DENND1A: variants seen among roughly 807,000 people sequenced by gnomAD.
DENND1A encodes the protein DENN domain-containing protein 1A.
DENND1A carries 51 observed loss-of-function variants against 113.7 expected under a neutral mutation model. The observed-to-expected ratio is 0.45, with a 90% CI of 0.36 to 0.57. The LOEUF is 0.57. Ranked by LOEUF, DENND1A falls within the 20% of genes least tolerant of loss-of-function variation. DENND1A has a pLI of 0.00. For missense variants in DENND1A, 1,258 were observed against 1,395.9 expected, an observed-to-expected ratio of 0.90 and a Z score of 1.57; for synonymous variants, 565 against 570.8, an observed-to-expected ratio of 0.99 and a Z score of 0.14.
intron 5 of DENND1A, among the ~76,000 whole-genome samples, chr9:123,736,013 G>T (rs1299933929): frequency 1.3e-5 from 2 of 151,828 alleles, no homozygotes; most frequent in Non-Finnish European, 2.9e-5. Context: ...TCCAAAAAAA[G>T]AAAAAAGAAA....
At chr9:123,398,796 ATT>A (rs921037252) in intron 21 of DENND1A, among the ~76,000 whole-genome samples, 18 of 135,880 alleles carry the variant, frequency 1.3e-4, no homozygotes, top group African/African-American at 8.1e-5. Context: ...ACCACACAGC[ATT>A]TTTTTTTTTT....
At chr9:123,925,860 A>G (rs903222539) in intron 1 of DENND1A, among the ~76,000 whole-genome samples, 1 of 151,820 alleles carries the variant, frequency 6.6e-6, no homozygotes, top group Non-Finnish European at 1.5e-5. Context: ...CAAGTCTTAG[A>G]GTATGCTTTT....
intron 9 of DENND1A, among the ~76,000 whole-genome samples, chr9:123,650,933 A>G (rs1244153168): frequency 2.1e-5 from 3 of 144,118 alleles, no homozygotes; most frequent in Non-Finnish European, 3.0e-5. Context: ...AAAAAAAAAG[A>G]TGGATTAATG....
At chr9:123,395,806 C>T (rs1409499345) in intron 21 of DENND1A, among the ~76,000 whole-genome samples, 2 of 152,128 alleles carry the variant, frequency 1.3e-5, no homozygotes, top group Non-Finnish European at 2.9e-5. Flanking sequence ...GTGGTTGTTA[C>T]CGGACGCCCC....
rs948829926 is a variant in DENND1A, at chr9:123,715,857, A to G, written c.303-39068T>C. 2.6e-5 allele frequency among the ~76,000 whole-genome samples: 4 copies of G among 151,970 alleles called. No individual in the cohort carries two copies. In the East Asian group the frequency reaches 5.8e-4, roughly 22 times the overall value. On this transcript the variant is annotated intron_variant, in intron 5 of 23. Coordinates refer to ENST00000394215, the MANE Select transcript of DENND1A (RefSeq NM_001352964.2). ...TGCCCAACTAATTTTTGTATTTTTA[A>G]TAGAGATGGGGTTTTGCCATGTTGC... is the stretch of plus-strand genomic sequence containing the variant.
chr9:123,566,543 T>C (rs2058061240), intron 12 of DENND1A, among the ~76,000 whole-genome samples: 1 of 152,226 alleles, frequency 6.6e-6, no homozygotes, highest in Non-Finnish European at 1.5e-5. Context: ...TCAATTATCA[T>C]TATGTGAATG....
intron 10 of DENND1A, among the ~76,000 whole-genome samples, chr9:123,619,829 T>C (rs2060848925): frequency 6.6e-6 from 1 of 152,160 alleles, no homozygotes; most frequent in South Asian, 2.1e-4. Flanking sequence ...GTCTTCAGTA[T>C]AGAGATCAGC....
chr9:123,885,146 C>T (rs1848874038), intron 1 of DENND1A, among the ~76,000 whole-genome samples: 1 of 152,142 alleles, frequency 6.6e-6, no homozygotes, highest in African/African-American at 2.4e-5. Flanking sequence ...AGGCTCTCAC[C>T]ATATCCAACC....
chr9:123,623,360 T>G (rs2061044856), intron 10 of DENND1A, among the ~76,000 whole-genome samples: 1 of 152,228 alleles, frequency 6.6e-6, no homozygotes, highest in Non-Finnish European at 1.5e-5. Flanking sequence ...ATAACTCTAA[T>G]TGCTATAGCC....
chr9:123,760,205 C>A (rs1381660759), intron 4 of DENND1A, among the ~76,000 whole-genome samples: 1 of 152,124 alleles, frequency 6.6e-6, no homozygotes, highest in Non-Finnish European at 1.5e-5. Context: ...ATTTAAAAAT[C>A]ATGGTTTACC....
intron 2 of DENND1A, among the ~76,000 whole-genome samples, chr9:123,845,397 G>T (rs754179708): frequency 9.9e-5 from 15 of 151,992 alleles, no homozygotes; most frequent in Non-Finnish European, 1.8e-4. Context: ...GGGGATACTG[G>T]TTCATGCCTT....
intron 4 of DENND1A, 152 bp from the exon 5 acceptor site, chr9:123,757,974 GT>G (rs1401332536): frequency 5.2e-6 from 1 of 191,238 alleles, no homozygotes; most frequent in Non-Finnish European, 8.2e-6. Flanking sequence ...CTGTAAGCTA[GT>G]TAAAAAAAAA....
At chr9:123,549,019 T>C (rs886132864) in intron 13 of DENND1A, among the ~76,000 whole-genome samples, 1 of 152,246 alleles carries the variant, frequency 6.6e-6, no homozygotes, top group African/African-American at 2.4e-5. Context: ...ATGCCATTCA[T>C]GCCAATGAAC....
intron 5 of DENND1A, among the ~76,000 whole-genome samples, chr9:123,687,505 C>T (rs1314777381): frequency 2.0e-5 from 3 of 152,180 alleles, no homozygotes; most frequent in African/African-American, 7.2e-5. Flanking sequence ...AAGAATGACC[C>T]TGTGCAAGGA....
intron 1 of DENND1A, among the ~76,000 whole-genome samples, chr9:123,927,752 G>C (rs990857692): frequency 8.5e-5 from 13 of 152,288 alleles, no homozygotes; most frequent in Non-Finnish European, 1.6e-4. Context: ...CTACCTCCAA[G>C]ACTGTCCTAT....
At chr9:123,499,537 A>G (rs2052281378) in intron 13 of DENND1A, among the ~76,000 whole-genome samples, 1 of 152,192 alleles carries the variant, frequency 6.6e-6, no homozygotes, top group South Asian at 2.1e-4. Context: ...CAACCCTCAC[A>G]ACAACCCCAA....
At chr9:123,582,182 C>T (rs2058932150) in intron 12 of DENND1A, among the ~76,000 whole-genome samples, 1 of 152,062 alleles carries the variant, frequency 6.6e-6, no homozygotes, top group Non-Finnish European at 1.5e-5. Context: ...TTTGAAGTAC[C>T]CCAAATTGTT....
intron 13 of DENND1A, among the ~76,000 whole-genome samples, chr9:123,482,635 C>T (rs1054640951): frequency 6.6e-6 from 1 of 152,158 alleles, no homozygotes; most frequent in African/African-American, 2.4e-5. Flanking sequence ...CAGTCAGCTA[C>T]CTGAGGATAG....
At chr9:123,523,002 A>G (rs1489094830) in intron 13 of DENND1A, among the ~76,000 whole-genome samples, 1 of 152,262 alleles carries the variant, frequency 6.6e-6, no homozygotes, top group Non-Finnish European at 1.5e-5. Flanking sequence ...AAAAGCTCAC[A>G]GTCTAGTGGG....
Sources: gnomAD v4.1 joint callset for allele counts (sites outside exome capture counted in the v4.1 genomes callset) on GRCh38, gnomAD v4.1.1 for gene constraint, MANE v1.5 for transcripts, NCBI Gene and HGNC (gene_info 2026-07-23, HGNC 2026-07-21) for gene names.